Variants in CPT1A observed in about 807,000 individuals in gnomAD.
CPT1A encodes carnitine palmitoyltransferase 1A, also known as carnitine O-palmitoyltransferase 1, liver isoform.
Under a neutral mutation model 100.8 loss-of-function variants are expected in CPT1A, and 64 were observed. That is an observed-to-expected ratio of 0.63 (90% CI 0.52 to 0.78). The LOEUF (loss-of-function observed/expected upper bound fraction) is 0.78, where lower values mean the gene tolerates loss of function less well. CPT1A is among the 30% of genes least tolerant of loss of function. The pLI, the probability that CPT1A is intolerant of heterozygous loss-of-function variation, is 0.00. For missense variants in CPT1A, 802 were observed against 1,034.1 expected, an observed-to-expected ratio of 0.78 and a Z score of 3.08; for synonymous variants, 363 against 396.0, an observed-to-expected ratio of 0.92 and a Z score of 0.99.
chr11:68,833,888 T>C (rs60422866), intron 1 of CPT1A, among the ~76,000 whole-genome samples: 2,262 of 152,230 alleles, frequency 0.015, 62 homozygotes, highest in African/African-American at 0.052. Context: ...GACAGGGTCT[T>C]GTTCTGTTGC....
chr11:68,817,527 G>A (rs919343949), intron 1 of CPT1A, among the ~76,000 whole-genome samples: 9 of 152,154 alleles, frequency 5.9e-5, no homozygotes, highest in African/African-American at 2.2e-4. Flanking sequence ...GGTGCAGGAA[G>A]GGGAGAAGCC....
chr11:68,844,079 AC>A (rs1333420633), upstream of CPT1A: 1 of 152,252 alleles, frequency 6.6e-6, no homozygotes, highest in African/African-American at 2.4e-5. Flanking sequence ...CCTAGGTGCC[AC>A]CTGCAGGCCG....
intron 9 of CPT1A, chr11:68,785,965 G>A (rs762294095): frequency 3.1e-5 from 22 of 700,586 alleles, no homozygotes; most frequent in African/African-American, 8.7e-5. Context: ...TTCACTCCAC[G>A]AATATTTATC....
At position 68,773,384 on chromosome 11, in the gene CPT1A, C is replaced by A; in HGVS notation, c.1621G>T (p.Ala541Ser). The A allele has an allele frequency of 6.2e-7, 1 of 1,614,116 alleles. No individual in the cohort carries two copies. The change falls in exon 14 of 19, where the codon GCA (alanine) becomes TCA (serine). Residue 541 changes from alanine to serine, a missense_variant. Physicochemically the swap from Ala to Ser is moderately conservative, Grantham distance 99. This residue lies in a region of CPT1A where 627 missense variants were observed against 799.3 expected (regional missense o/e 0.78). Transcript: ENST00000265641. ...AAGGAATGGAAATCCACGTCGTTTGCCAGAAGATTTGCGGTGTTCAGGGAG... is the reference window on the plus strand; with the variant it reads ...AAGGAATGGAAATCCACGTCGTTTGACAGAAGATTTGCGGTGTTCAGGGAG... ...ETSLNTANLL[A>S]NDVDFHSFPF... is the part of the protein sequence containing the mutation.
rs149713631 is a variant in CPT1A at position 68,759,748 on chromosome 11, C to T, written c.2143-87G>A. ...TCTAATGTTCTAAATGCAACACTGG[C>T]GGGGCTCGGTGGCTTCTCCTTGTAA... On this transcript the variant is annotated intron_variant, in intron 17 of 18. Coordinates refer to ENST00000265641, the MANE Select transcript of CPT1A (RefSeq NM_001876.4). The T allele has an allele frequency of 8.6e-4, 863 of 1,002,468 alleles. 5 individuals carry two copies. In the African/African-American group the frequency reaches 0.012, roughly 13 times the overall value. 62.1% of individuals were successfully genotyped at this position (1,002,468 alleles called of 1,614,324 possible).
At chr11:68,843,538 G>A (rs1857198078), upstream of CPT1A, among the ~76,000 whole-genome samples, 1 of 152,156 alleles carries the variant, frequency 6.6e-6, no homozygotes, top group Admixed American at 6.5e-5. This position sits in a 1 kb window ranked among gnomAD's most constrained non-coding sequence, Gnocchi z 4.0. Flanking sequence ...AACTTCCACT[G>A]CCACCCGCGC....
chr11:68,758,217 G>A (rs1264072894), intron 18 of CPT1A, among the ~76,000 whole-genome samples: 2 of 151,602 alleles, frequency 1.3e-5, no homozygotes, highest in Admixed American at 6.6e-5. Context: ...GCAGTGAGCC[G>A]AGATCACACC....
Position 68,757,658 on chromosome 11 carries a change from T to G in CPT1A, c.2308A>C (p.Asn770His), listed in dbSNP as rs770768836. 1 of 1,614,168 alleles carries G rather than the reference T, an allele frequency of 6.2e-7. No homozygotes were observed. Among genetic ancestry groups the G allele is most frequent in the Non-Finnish European group, 8.5e-7 (1 of 1,180,006 alleles). ...DIITLFGLSS[N>H]SKK ...CTCCAGTGGAATTACTTTTTGGAAT[T>G]AGAACTGAGACCAAACAAAGTGATG... The change falls in exon 19 of 19, where the codon AAT becomes CAT. Residue 770 changes from asparagine (N) to histidine (H), a missense_variant. Around this residue, in one of 4 missense-constraint regions of CPT1A, gnomAD observed 627 missense variants for 799.3 expected, o/e 0.78. Transcript: ENST00000265641.
Position 68,841,625 on chromosome 11 carries a change from G to A in CPT1A, c.-14+150C>T. 1 of 267,898 alleles carries A rather than the reference G, an allele frequency of 3.7e-6. No homozygotes were observed. Among genetic ancestry groups the A allele is most frequent in the Non-Finnish European group, 5.8e-6 (1 of 173,466 alleles). 16.6% of individuals were successfully genotyped at this position (267,898 alleles called of 1,614,324 possible). ...ATCTCCACAACCCCGCCGTCCGGGG[G>A]GAATACCGGGGTTCCTCTCGGCGCC... On this transcript the variant is annotated intron_variant, in intron 1 of 18. Coordinates refer to ENST00000265641, the MANE Select transcript of CPT1A (RefSeq NM_001876.4). This position sits in a 1 kb window ranked among gnomAD's most constrained non-coding sequence, Gnocchi z 6.3.
intron 14 of CPT1A, among the ~76,000 whole-genome samples, chr11:68,770,891 G>C (rs1290753538): frequency 6.6e-6 from 1 of 152,226 alleles, no homozygotes; most frequent in Non-Finnish European, 1.5e-5. Context: ...AAGCCTGCCT[G>C]CTTCCGATCT....
intron 10 of CPT1A, among the ~76,000 whole-genome samples, chr11:68,784,142 C>T (rs376534048): frequency 3.3e-5 from 5 of 152,212 alleles, no homozygotes; most frequent in South Asian, 2.1e-4. Context: ...GAATTATAGG[C>T]GTGAGCCACT....
intron 17 of CPT1A, 93 bp from the exon 18 acceptor site, chr11:68,759,754 T>C: frequency 1.1e-6 from 1 of 928,552 alleles, no homozygotes; most frequent in Non-Finnish European, 1.8e-6. Context: ...CTGGCGGGGC[T>C]CGGTGGCTTC....
intron 3 of CPT1A, among the ~76,000 whole-genome samples, chr11:68,811,034 C>G (rs377576397): frequency 6.6e-6 from 1 of 152,152 alleles, no homozygotes; most frequent in Non-Finnish European, 1.5e-5. Context: ...TTTTCGTTTA[C>G]GTCTCTTTTT....
At chr11:68,826,113 G>C (rs1010842580) in intron 1 of CPT1A, among the ~76,000 whole-genome samples, 5 of 152,156 alleles carry the variant, frequency 3.3e-5, no homozygotes, top group Non-Finnish European at 7.3e-5. Flanking sequence ...GTCTGAGAGT[G>C]GTCAGCACGT....
intron 14 of CPT1A, among the ~76,000 whole-genome samples, chr11:68,771,086 G>A (rs553811961): frequency 6.6e-6 from 1 of 152,186 alleles, no homozygotes; most frequent in African/African-American, 2.4e-5. Context: ...GTGGGTTCTG[G>A]GGAGCAGATG....
chr11:68,841,167 G>A lies in CPT1A; in HGVS notation c.-14+608C>T, dbSNP rs1353463560. Reference sequence around the variant, plus strand: ...GGCGCCCTGCCGAATCCCGAGGGCCGAGCACCCCTCCCTCAGCCGCACTGC... The same window carrying A: ...GGCGCCCTGCCGAATCCCGAGGGCCAAGCACCCCTCCCTCAGCCGCACTGC... On this transcript the variant is annotated intron_variant, in intron 1 of 18. Transcript: ENST00000265641. This position sits in a 1 kb window ranked among gnomAD's most constrained non-coding sequence, Gnocchi z 6.3. Among the ~76,000 whole-genome samples the A allele has an allele frequency of 1.3e-5, 2 of 152,206 alleles. No homozygotes were observed. Among genetic ancestry groups the A allele is most frequent in the Non-Finnish European group, 2.9e-5 (2 of 68,010 alleles).
At position 68,831,002 on chromosome 11, in the gene CPT1A, G is replaced by C. The variant is rs558239010; in HGVS notation, c.-14+10773C>G. 9.9e-5 allele frequency among the ~76,000 whole-genome samples: 15 copies of C among 152,268 alleles called. No individual in the cohort carries two copies. In the South Asian group the frequency reaches 3.1e-3, roughly 32 times the overall value. On this transcript the variant is annotated intron_variant, in intron 1 of 18. Coordinates refer to ENST00000265641, the MANE Select transcript of CPT1A (RefSeq NM_001876.4). ...TGAATGCTACATCAACAATCGTGGG[G>C]GGGAAGGTGATAACACATCTTCAAT...
At chr11:68,784,345 G>A (rs1373634204) in intron 10 of CPT1A, among the ~76,000 whole-genome samples, 1 of 152,184 alleles carries the variant, frequency 6.6e-6, no homozygotes, top group Non-Finnish European at 1.5e-5. Flanking sequence ...TGGATCACTT[G>A]AGGTCAGGAG....
chr11:68,825,544 C>A (rs1180230380), intron 1 of CPT1A, among the ~76,000 whole-genome samples: 1 of 152,180 alleles, frequency 6.6e-6, no homozygotes, highest in Non-Finnish European at 1.5e-5. Context: ...TCCCCACTAC[C>A]CACAATCTGG....
Sources: allele counts gnomAD v4.1 joint callset (sites outside exome capture counted in the v4.1 genomes callset), GRCh38; gene constraint gnomAD v4.1.1; regional missense constraint gnomAD v4.1.1; non-coding constraint Gnocchi (gnomAD v3.1); transcripts MANE v1.5; gene names NCBI Gene and HGNC (gene_info 2026-07-23, HGNC 2026-07-21).